The following RNF152 variants were observed in gnomAD, a reference collection of about 807,000 sequenced individuals.
The protein encoded by RNF152 is E3 ubiquitin-protein ligase RNF152.
Under a neutral mutation model 12.7 loss-of-function variants are expected in RNF152, and 11 were observed. The ratio of observed to expected loss-of-function variants is 0.86; its 90% confidence interval spans 0.54 to 1.43. The LOEUF (loss-of-function observed/expected upper bound fraction) is 1.43. RNF152 is among the 40% of genes most tolerant of loss of function. The probability of loss-of-function intolerance (pLI) is 0.00; values close to 1 mark genes in which losing one functional copy is unlikely to be tolerated. For missense variants in RNF152, 255 were observed against 274.8 expected (o/e 0.93, Z 0.51); for synonymous variants, 113 against 120.3 (o/e 0.94, Z 0.40).
Position 61,859,437 on chromosome 18 carries a change from C to T in RNF152, c.-136+33358G>A, listed in dbSNP as rs575273719. Among the ~76,000 whole-genome samples the T allele has an allele frequency of 1.4e-3, 208 of 152,264 alleles. 2 individuals carry two copies. The highest frequency in any genetic ancestry group is 0.011 in the South Asian group (52 of 4,818). On this transcript the variant is annotated intron_variant, in intron 1 of 1. Transcript: ENST00000312828. ...GACATAATTGCAAGGCTAAGGGTTC[C>T]GGAGAGTCAGGGAGCTGCATTCCCA...
In RNF152 at chr18:61,864,847, C is replaced by T. The variant is rs572946830; in HGVS notation, c.-136+27948G>A. Among the ~76,000 whole-genome samples, 3 of 152,214 alleles carry T rather than the reference C, an allele frequency of 2.0e-5. No homozygotes were observed. The South Asian group carries it at 6.2e-4, about 32-fold the overall frequency. On this transcript the variant is annotated intron_variant, in intron 1 of 1. Transcript: ENST00000312828. The stretch of plus-strand genomic sequence containing the variant: ...CAGCCTGGCTAACATGGTGAAACCC[C>T]GTTTCTACTAAAAATACAAAAAATT...
At chr18:61,858,092 T>G (rs1468531202) in intron 1 of RNF152, among the ~76,000 whole-genome samples, 3 of 152,200 alleles carry the variant, frequency 2.0e-5, no homozygotes, top group Admixed American at 2.0e-4. Context: ...TGCAGCCACA[T>G]GCAAACCCTC....
At chr18:61,849,871 T>C (rs1433086898) in intron 1 of RNF152, among the ~76,000 whole-genome samples, 1 of 152,172 alleles carries the variant, frequency 6.6e-6, no homozygotes, top group Non-Finnish European at 1.5e-5. Flanking sequence ...CCTGACATCA[T>C]CAAATGAGTT....
At chr18:61,859,469 G>A (rs1406856915) in intron 1 of RNF152, among the ~76,000 whole-genome samples, 2 of 152,246 alleles carry the variant, frequency 1.3e-5, no homozygotes, top group Non-Finnish European at 2.9e-5. Flanking sequence ...CCCATGCAGA[G>A]CAGGAGATGC....
chr18:61,831,532 G>A (rs1443578326), intron 1 of RNF152, among the ~76,000 whole-genome samples: 1 of 152,084 alleles, frequency 6.6e-6, no homozygotes, highest in Non-Finnish European at 1.5e-5. Flanking sequence ...AACTTTCTAA[G>A]GAGCCAGGAA....
rs1259679187 is a variant in RNF152, at chr18:61,809,194, T to G, written c.*6658A>C. The G allele has an allele frequency of 6.6e-6, 1 of 152,156 alleles. No homozygotes were observed. The highest frequency in any genetic ancestry group is 1.5e-5 in the Non-Finnish European group (1 of 68,026). 9.4% of individuals were successfully genotyped at this position (152,156 alleles called of 1,614,324 possible). A position where few individuals can be genotyped will look rare whatever the true frequency, so the allele number is the denominator to read the frequency against. On this transcript the variant is annotated 3_prime_UTR_variant, in exon 2 of 2. Transcript: ENST00000312828. ...CCCTTCACATAGACCCAGTGCTTCATGTCTCCCTTTCCCTCTCCCTCTCCC... is the reference window on the plus strand; with the variant it reads ...CCCTTCACATAGACCCAGTGCTTCAGGTCTCCCTTTCCCTCTCCCTCTCCC...
upstream of RNF152, chr18:61,893,598 A>C (rs1913063945): frequency 6.6e-6 from 1 of 151,922 alleles, no homozygotes; most frequent in Non-Finnish European, 1.5e-5. Context: ...TGCACAAAAG[A>C]CCCCCAACAT....
chr18:61,844,110 G>GAAAGAAAGAAAGAAAGAAAGAA (rs1568275364), intron 1 of RNF152, among the ~76,000 whole-genome samples: 8 of 137,034 alleles, frequency 5.8e-5, no homozygotes, highest in African/African-American at 1.6e-4. Flanking sequence ...AAGAAAGAAA[G>GAAAGAAAGAAAGAAAGAAAGAA]AAAGAAAGAA....
chr18:61,874,686 G>A (rs1912138179), intron 1 of RNF152, among the ~76,000 whole-genome samples: 1 of 152,220 alleles, frequency 6.6e-6, no homozygotes, highest in Admixed American at 6.5e-5. Flanking sequence ...CCGCCAAGTA[G>A]TTTTAAGCTG....
chr18:61,878,499 T>G (rs1051460508), intron 1 of RNF152, among the ~76,000 whole-genome samples: 9 of 152,250 alleles, frequency 5.9e-5, no homozygotes, highest in Non-Finnish European at 8.8e-5. Flanking sequence ...GTTCATTTGC[T>G]TGTTTGAGCC....
intron 1 of RNF152, among the ~76,000 whole-genome samples, chr18:61,824,986 T>C (rs888717632): frequency 5.9e-5 from 9 of 152,160 alleles, no homozygotes; most frequent in Admixed American, 5.2e-4. Context: ...AGATGATCAA[T>C]TACCCTGACT....
chr18:61,871,425 T>C (rs963963308), intron 1 of RNF152, among the ~76,000 whole-genome samples: 4 of 152,122 alleles, frequency 2.6e-5, no homozygotes, highest in African/African-American at 9.7e-5. Context: ...ATTCATCATC[T>C]CCATGACCTC....
chr18:61,809,131 A>G lies in RNF152; in HGVS notation c.*6721T>C, dbSNP rs74779528. On this transcript the variant is annotated 3_prime_UTR_variant, in exon 2 of 2. Coordinates refer to ENST00000312828, the MANE Select transcript of RNF152 (RefSeq NM_173557.3). ...TGTTTTGCAGCTATACTCTTCCTTT[A>G]TTAAGTATTTTCTCCCTCTTTGGGT... The G allele has an allele frequency of 6.6e-6, 1 of 152,152 alleles. No homozygotes were observed. The highest frequency in any genetic ancestry group is 2.4e-5 in the African/African-American group (1 of 41,474). The allele number at this position is 152,152 out of a possible 1,614,324, so 9.4% of individuals were successfully genotyped here.
At position 61,816,032 on chromosome 18, in the gene RNF152, A is replaced by T; in HGVS notation, c.432T>A (p.Gly144=). 6.2e-7 allele frequency: 1 copy of T among 1,614,040 alleles called. No individual in the cohort carries two copies. Among genetic ancestry groups the T allele is most frequent in the Non-Finnish European group, 8.5e-7 (1 of 1,179,996 alleles). The change falls in exon 2 of 2, where the codon GGT becomes GGA. Residue 144 remains glycine, a synonymous_variant. Coordinates refer to ENST00000312828, the MANE Select transcript of RNF152 (RefSeq NM_173557.3). ...TIPAEQQPLQ[G]GAPQEAVEEE... ...CCTCCACCGCCTCCTGGGGAGCCCC[A>T]CCTTGCAGAGGCTGCTGTTCAGCAG...
In RNF152 at chr18:61,808,422, A is replaced by G. The variant is rs955137580; in HGVS notation, c.*7430T>C. 4 of 147,124 alleles carry G rather than the reference A, an allele frequency of 2.7e-5. No individual in the cohort carries two copies. The highest frequency in any genetic ancestry group is 4.5e-5 in the Non-Finnish European group (3 of 66,206). 9.1% of individuals were successfully genotyped at this position (147,124 alleles called of 1,614,324 possible). A position where few individuals can be genotyped will look rare whatever the true frequency, so the allele number is the denominator to read the frequency against. ...AAAAAAAAAAAAAAAAGCTCCTAAA[A>G]TAAATAATCCACATAATTGTAAATG... On this transcript the variant is annotated 3_prime_UTR_variant, in exon 2 of 2. Coordinates refer to ENST00000312828, the MANE Select transcript of RNF152 (RefSeq NM_173557.3).
At chr18:61,821,228 T>C (rs1320336044) in intron 1 of RNF152, among the ~76,000 whole-genome samples, 2 of 152,266 alleles carry the variant, frequency 1.3e-5, no homozygotes, top group Non-Finnish European at 2.9e-5. Context: ...ATGTTCCAAG[T>C]AATGTTCCCT....
In RNF152 at chr18:61,882,064, A is replaced by G. The variant is rs115865008; in HGVS notation, c.-136+10731T>C. ...AACATCCGAAATCCGAAATGCTCCA[A>G]AATCAGAAACTTTTTGAGTGCAAAC... is the stretch of plus-strand genomic sequence containing the variant. On this transcript the variant is annotated intron_variant, in intron 1 of 1. Coordinates refer to ENST00000312828, the MANE Select transcript of RNF152 (RefSeq NM_173557.3). Among the ~76,000 whole-genome samples the G allele has an allele frequency of 8.8e-3, 1,347 of 152,360 alleles. 19 individuals carry two copies. The highest frequency in any genetic ancestry group is 0.031 in the African/African-American group (1,291 of 41,582).
chr18:61,844,462 A>C (rs367556967), intron 1 of RNF152, among the ~76,000 whole-genome samples: 9 of 152,244 alleles, frequency 5.9e-5, no homozygotes, highest in African/African-American at 1.9e-4. Context: ...CACCTTGGCA[A>C]AAGAAAACCA....
rs181389074 is a variant in RNF152, at chr18:61,837,308, T to C, written c.-135-20710A>G. The stretch of plus-strand genomic sequence containing the variant: ...CATGAACCACAATGAGATCCAGGAT[T>C]GAGTGGGGAAAATGCCCAAAGTGAT... On this transcript the variant is annotated intron_variant, in intron 1 of 1. Coordinates refer to ENST00000312828, the MANE Select transcript of RNF152 (RefSeq NM_173557.3). Among the ~76,000 whole-genome samples, 312 of 152,270 alleles carry C rather than the reference T, an allele frequency of 2.0e-3. 1 individual carries two copies. In the South Asian group the frequency reaches 0.025, roughly 12 times the overall value.
Sources: gnomAD v4.1 joint callset for allele counts (sites outside exome capture counted in the v4.1 genomes callset) on GRCh38, gnomAD v4.1.1 for gene constraint, MANE v1.5 for transcripts, NCBI Gene and HGNC (gene_info 2026-07-23, HGNC 2026-07-21) for gene names.